Variants in CNTLN observed in about 807,000 individuals in gnomAD.
The protein encoded by CNTLN is centlein, centrosomal protein.
CNTLN carries 212 observed loss-of-function variants against 180.0 expected under a neutral mutation model. The ratio of observed to expected loss-of-function variants is 1.18; its 90% CI spans 1.05 to 1.32. The LOEUF (loss-of-function observed/expected upper bound fraction) is 1.32, where lower values mean the gene tolerates loss of function less well. Among genes scored for constraint, CNTLN ranks in the 40% most tolerant of loss-of-function variants. The probability of loss-of-function intolerance (pLI) is 0.00; values close to 1 mark genes in which losing one functional copy is unlikely to be tolerated. For synonymous variants in CNTLN, 722 were observed against 563.1 expected (o/e 1.28, Z -3.99); for missense variants, 2,095 against 1,610.9 (o/e 1.30, Z -5.14).
At chr9:17,209,966 CA>C in intron 2 of CNTLN, among the ~76,000 whole-genome samples, 1 of 152,274 alleles carries the variant, frequency 6.6e-6, no homozygotes, top group African/African-American at 2.4e-5. Flanking sequence ...CAATATTTAA[CA>C]GTTTTAAAGA....
chr9:17,278,000 G>T (rs531951854), intron 6 of CNTLN, among the ~76,000 whole-genome samples: 66 of 152,232 alleles, frequency 4.3e-4, no homozygotes, highest in South Asian at 1.2e-3. Context: ...AGCCAGAAGG[G>T]ACAAGAATTA....
intron 18 of CNTLN, among the ~76,000 whole-genome samples, chr9:17,434,747 A>G (rs913516840): frequency 3.3e-5 from 5 of 151,874 alleles, no homozygotes; most frequent in African/African-American, 9.7e-5. Context: ...TAATTAAGTT[A>G]TGTACTTTTT....
intron 23 of CNTLN, among the ~76,000 whole-genome samples, chr9:17,468,188 T>C (rs183200078): frequency 8.3e-4 from 126 of 151,484 alleles, no homozygotes; most frequent in African/African-American, 2.7e-3. Flanking sequence ...AACCTAAACA[T>C]TGAGTACACA....
chr9:17,457,657 C>A lies in CNTLN; in HGVS notation c.3248C>A (p.Ser1083Ter). Reference protein sequence around the residue: ...QVTFPRIQVTSLSPSRSMDLE... With the variant: ...QVTFPRIQVT ...ACATTTCCACGGATACAAGTTACATCACTTAGTCCTTCAAGGAGCATGGAT... is the reference window on the plus strand; with the variant it reads ...ACATTTCCACGGATACAAGTTACATAACTTAGTCCTTCAAGGAGCATGGAT... Residue 1083 changes from serine (S) to a stop codon, truncating the protein, a stop_gained, in exon 19 of 26, where the codon TCA becomes TAA. Transcript: ENST00000380647. LOFTEE classifies it high-confidence loss of function. 6.5e-7 allele frequency: 1 copy of A among 1,538,492 alleles called. No individual in the cohort carries two copies. The highest frequency in any genetic ancestry group is 1.3e-5 in the South Asian group (1 of 78,020).
At chr9:17,521,321 G>A in the CNTLN span, among the ~76,000 whole-genome samples, 1 of 140,348 alleles carries the variant, frequency 7.1e-6, no homozygotes, top group African/African-American at 2.6e-5. Context: ...GAATGGTAAA[G>A]GCAGCTACAA....
chr9:17,341,013 G>T (rs1821440336), intron 11 of CNTLN, 65 bp downstream of exon 11: 7 of 1,402,242 alleles, frequency 5.0e-6, no homozygotes, highest in Non-Finnish European at 6.6e-6. Context: ...GCATTATATA[G>T]GTGTCTTAAT....
intron 24 of CNTLN, 51 bp from the exon 25 acceptor site, chr9:17,486,938 C>T (rs902290633): frequency 5.1e-5 from 44 of 860,652 alleles, no homozygotes; most frequent in Non-Finnish European, 7.7e-5. Context: ...ATAGTATAAA[C>T]AAGTTCATAT....
intron 7 of CNTLN, 159 bp downstream of exon 7, chr9:17,298,511 A>T (rs1217950540): frequency 2.3e-6 from 3 of 1,320,214 alleles, no homozygotes; most frequent in East Asian, 2.9e-5. Flanking sequence ...ATTTGATAAC[A>T]TTTAAAATTT....
At chr9:17,527,878 G>A in the CNTLN span, among the ~76,000 whole-genome samples, 1 of 152,026 alleles carries the variant, frequency 6.6e-6, no homozygotes, top group African/African-American at 2.4e-5. Context: ...ATGGGGGTGT[G>A]TCAAAGAGAT....
At chr9:17,267,747 C>G (rs1039535680) in intron 5 of CNTLN, among the ~76,000 whole-genome samples, 2 of 152,106 alleles carry the variant, frequency 1.3e-5, no homozygotes, top group African/African-American at 4.8e-5. Flanking sequence ...TCTTTTTATT[C>G]TTTTTTCTCT....
chr9:17,295,287 G>A (rs987169860), intron 6 of CNTLN, among the ~76,000 whole-genome samples: 2 of 152,186 alleles, frequency 1.3e-5, no homozygotes, highest in African/African-American at 4.8e-5. Flanking sequence ...AAGGTGCAGC[G>A]GCGGGCTGAA....
At chr9:17,428,152 G>C (rs1829206288) in intron 18 of CNTLN, among the ~76,000 whole-genome samples, 1 of 152,184 alleles carries the variant, frequency 6.6e-6, no homozygotes, top group Non-Finnish European at 1.5e-5. Flanking sequence ...CAAAGGATGA[G>C]AGGTAGTGTA....
At chr9:17,318,658 C>T (rs1819698192) in intron 8 of CNTLN, among the ~76,000 whole-genome samples, 1 of 152,140 alleles carries the variant, frequency 6.6e-6, no homozygotes, top group South Asian at 2.1e-4. Context: ...GCTCTCCTAG[C>T]AGTAGGAGGA....
intron 15 of CNTLN, among the ~76,000 whole-genome samples, chr9:17,404,064 C>T (rs1482533099): frequency 1.3e-5 from 2 of 151,768 alleles, no homozygotes; most frequent in African/African-American, 4.9e-5. Context: ...GTATGAGCCA[C>T]CAAGCCCAGC....
intron 5 of CNTLN, among the ~76,000 whole-genome samples, chr9:17,247,100 A>G (rs1247698966): frequency 1.3e-5 from 2 of 152,064 alleles, no homozygotes; most frequent in East Asian, 3.9e-4. Flanking sequence ...TGCTTAGATG[A>G]TGGGTGATAC....
At chr9:17,350,502 A>G (rs1240887961) in intron 12 of CNTLN, among the ~76,000 whole-genome samples, 1 of 152,214 alleles carries the variant, frequency 6.6e-6, no homozygotes, top group Non-Finnish European at 1.5e-5. Context: ...AGAGAATATT[A>G]GGGACACAAG....
chr9:17,214,151 G>A (rs985980937), intron 2 of CNTLN, among the ~76,000 whole-genome samples: 9 of 152,092 alleles, frequency 5.9e-5, no homozygotes, highest in Admixed American at 3.3e-4. Context: ...TCCTAGCCTC[G>A]ATGGTCTTTA....
chr9:17,373,583 C>T (rs1237514629), intron 13 of CNTLN, among the ~76,000 whole-genome samples: 1 of 151,912 alleles, frequency 6.6e-6, no homozygotes, highest in Non-Finnish European at 1.5e-5. Flanking sequence ...TTAATGCAAG[C>T]CCTATAAAAA....
intron 13 of CNTLN, among the ~76,000 whole-genome samples, chr9:17,383,300 A>G (rs929932307): frequency 6.6e-6 from 1 of 151,962 alleles, no homozygotes; most frequent in African/African-American, 2.4e-5. Context: ...AGGCTGAGGC[A>G]GGTGAATCGT....
Sources: allele counts gnomAD v4.1 joint callset (sites outside exome capture counted in the v4.1 genomes callset), GRCh38; gene constraint gnomAD v4.1.1; transcripts MANE v1.5; gene names NCBI Gene and HGNC (gene_info 2026-07-23, HGNC 2026-07-21).